The following NAV2 variants were observed in gnomAD, a reference collection of about 807,000 sequenced individuals.
NAV2 encodes neuron navigator 2.
A neutral mutation model predicts 223.2 loss-of-function variants in NAV2; 54 were observed. The observed-to-expected ratio is 0.24, with a 90% confidence interval of 0.19 to 0.30. The LOEUF (loss-of-function observed/expected upper bound fraction) is 0.30. Among genes scored for constraint, NAV2 ranks in the 10% least tolerant of loss-of-function variants. The pLI, the probability that NAV2 is intolerant of heterozygous loss-of-function variation, is 1.00. For missense variants in NAV2, 2,806 were observed against 3,147.5 expected (o/e 0.89, Z 2.60); for synonymous variants, 1,279 against 1,239.3 (o/e 1.03, Z -0.67).
At chr11:20,107,931 G>T (rs1266119758) in intron 36 of NAV2, 149 bp downstream of exon 36, 7 of 649,972 alleles carry the variant, frequency 1.1e-5, no homozygotes, top group Admixed American at 7.8e-5. Flanking sequence ...TCCAGTGTAG[G>T]GACACACCTG....
intron 1 of NAV2, among the ~76,000 whole-genome samples, chr11:19,727,030 C>T (rs984291320): frequency 5.3e-5 from 8 of 152,156 alleles, no homozygotes; most frequent in Non-Finnish European, 1.0e-4. Flanking sequence ...GACAGACTTC[C>T]GAAATCCATA....
chr11:19,619,718 C>T (rs553222868), intron 1 of NAV2, among the ~76,000 whole-genome samples: 8 of 152,286 alleles, frequency 5.3e-5, no homozygotes, highest in African/African-American at 1.2e-4. Flanking sequence ...GTTGCCTGTT[C>T]ACTCTGATGG....
In NAV2 at chr11:19,554,043, G is replaced by T. The variant is rs189294109; in HGVS notation, c.75+203016G>T. 9.2e-5 allele frequency among the ~76,000 whole-genome samples: 14 copies of T among 152,348 alleles called. 1 individual carries two copies. The East Asian group carries it at 2.7e-3, about 29-fold the overall frequency. On this transcript the variant is annotated intron_variant, in intron 1 of 37. Transcript: ENST00000360655. ...ACAGAGCATTTCATACTGAAAAGTT[G>T]TGGGAGCTCTCTCTCCTTTTTTGTT...
At chr11:20,006,194 G>T (rs1180888455) in intron 11 of NAV2, among the ~76,000 whole-genome samples, 1 of 152,098 alleles carries the variant, frequency 6.6e-6, no homozygotes, top group Non-Finnish European at 1.5e-5. Flanking sequence ...TATGATTCAG[G>T]GTGTCCAGGT....
intron 1 of NAV2, among the ~76,000 whole-genome samples, chr11:19,802,711 CAAA>C (rs35777344): frequency 8.5e-6 from 1 of 117,042 alleles, no homozygotes; most frequent in Non-Finnish European, 1.7e-5. Context: ...CCCTGTCTCT[CAAA>C]AAAAAAAAAA....
chr11:19,345,272 G>C, the NAV2 span, among the ~76,000 whole-genome samples: 263 of 152,372 alleles, frequency 1.7e-3, no homozygotes, highest in Non-Finnish European at 3.0e-3. This position sits in a 1 kb window ranked among gnomAD's most constrained non-coding sequence, Gnocchi z 5.2. Context: ...GTGCGAGACC[G>C]GCTGGAGGAG....
At chr11:19,688,785 C>G (rs762732508) in intron 1 of NAV2, among the ~76,000 whole-genome samples, 1 of 152,060 alleles carries the variant, frequency 6.6e-6, no homozygotes, top group Non-Finnish European at 1.5e-5. Flanking sequence ...TCAGGCTTTA[C>G]CTCTGAAAGG....
At chr11:19,635,098 A>G (rs1236155212) in intron 1 of NAV2, among the ~76,000 whole-genome samples, 1 of 152,194 alleles carries the variant, frequency 6.6e-6, no homozygotes, top group Admixed American at 6.5e-5. Context: ...TTGGCTCCTT[A>G]GAATCTATCA....
rs865882710 is a variant in NAV2 at position 19,777,102 on chromosome 11, C to T, written c.268-55382C>T. On this transcript the variant is annotated intron_variant, in intron 1 of 37. Coordinates refer to ENST00000349880, the MANE Select transcript of NAV2 (RefSeq NM_145117.5). ...AACTCACCAGCCGCCGACCCCCCCC[C>T]CCACCCCGCCCTCGGCCGCCGCGGC... is the stretch of plus-strand genomic sequence containing the variant. Among the ~76,000 whole-genome samples the T allele has an allele frequency of 1.1e-4, 16 of 150,848 alleles. No individual in the cohort carries two copies. In the South Asian group the frequency reaches 2.9e-3, roughly 28 times the overall value.
intron 1 of NAV2, among the ~76,000 whole-genome samples, chr11:19,541,486 G>A (rs138854807): frequency 6.6e-6 from 1 of 152,356 alleles, no homozygotes; most frequent in East Asian, 1.9e-4. Context: ...CCAGCCGATG[G>A]TTGGCAAATG....
chr11:19,788,005 A>T (rs1324229175), intron 1 of NAV2, among the ~76,000 whole-genome samples: 1 of 152,184 alleles, frequency 6.6e-6, no homozygotes, highest in African/African-American at 2.4e-5. Flanking sequence ...CATTCTAAGC[A>T]GTGTGGTTCC....
chr11:19,678,377 A>G (rs2048781069), intron 1 of NAV2, among the ~76,000 whole-genome samples: 1 of 152,204 alleles, frequency 6.6e-6, no homozygotes. Flanking sequence ...ATAGGAGTCC[A>G]GGCATGCTTA....
intron 3 of NAV2, among the ~76,000 whole-genome samples, chr11:19,851,817 A>T (rs1192659238): frequency 6.6e-6 from 1 of 152,262 alleles, no homozygotes; most frequent in African/African-American, 2.4e-5. Context: ...GAGACTTTCC[A>T]AATGCGATTA....
intron 1 of NAV2, among the ~76,000 whole-genome samples, chr11:19,789,179 A>G (rs898540157): frequency 6.6e-6 from 1 of 152,216 alleles, no homozygotes; most frequent in African/African-American, 2.4e-5. Flanking sequence ...TATTCTTCCA[A>G]TAAAATCAGT....
chr11:19,616,662 G>C lies in NAV2; in HGVS notation c.76-215822G>C, dbSNP rs535607859. Among the ~76,000 whole-genome samples, 75 of 152,012 alleles carry C rather than the reference G, an allele frequency of 4.9e-4. 1 individual carries two copies. In the Middle Eastern group the frequency reaches 0.01, roughly 21 times the overall value. Reference sequence around the variant, plus strand: ...AGGACAGGGCTGTCCTGCATGCCCTGAGACCAAGGAGCACAATGCTTCTGC... The same window carrying C: ...AGGACAGGGCTGTCCTGCATGCCCTCAGACCAAGGAGCACAATGCTTCTGC... On this transcript the variant is annotated intron_variant, in intron 1 of 37. Coordinates refer to the NAV2 transcript ENST00000360655.
chr11:19,786,753 C>G (rs1385908476), intron 1 of NAV2, among the ~76,000 whole-genome samples: 1 of 152,162 alleles, frequency 6.6e-6, no homozygotes, highest in African/African-American at 2.4e-5. Context: ...TACATAGCTC[C>G]CTACTGTCCA....
chr11:20,084,119 A>G (rs2060265875), intron 26 of NAV2, among the ~76,000 whole-genome samples: 2 of 152,134 alleles, frequency 1.3e-5, no homozygotes, highest in African/African-American at 2.4e-5. Context: ...TGTTTTTGAG[A>G]TGGAGTCTTG....
At chr11:19,942,160 T>C (rs539000636) in intron 8 of NAV2, among the ~76,000 whole-genome samples, 2 of 152,222 alleles carry the variant, frequency 1.3e-5, no homozygotes, top group Non-Finnish European at 2.9e-5. Flanking sequence ...TGGAGCTCGA[T>C]TGTGTTTTTA....
Position 19,964,913 on chromosome 11 carries a change from G to C in NAV2, c.2645+15833G>C, listed in dbSNP as rs544461045. 2.9e-4 allele frequency among the ~76,000 whole-genome samples: 39 copies of C among 134,244 alleles called. 1 individual carries two copies. The East Asian group carries it at 8.7e-3, about 30-fold the overall frequency. The allele number at this position is 134,244 out of a possible 152,430, so 88.1% of individuals were successfully genotyped here. On this transcript the variant is annotated intron_variant, in intron 10 of 37. Transcript: ENST00000349880. The stretch of plus-strand genomic sequence containing the variant: ...CGGCTCACCACAACCTCTGCCTCCC[G>C]GGTTCAAGCAATTCTCCTGCCTCAG...
Sources: gnomAD v4.1 joint callset for allele counts (sites outside exome capture counted in the v4.1 genomes callset) on GRCh38, gnomAD v4.1.1 for gene constraint, Gnocchi (gnomAD v3.1) non-coding constraint, MANE v1.5 for transcripts, NCBI Gene and HGNC (gene_info 2026-07-23, HGNC 2026-07-21) for gene names.